Variants in CHAC2 observed in about 807,000 individuals in gnomAD.
The protein encoded by CHAC2 is ChaC glutathione specific gamma-glutamylcyclotransferase 2.
A neutral mutation model predicts 16.9 loss-of-function variants in CHAC2; 20 were observed. The ratio of observed to expected loss-of-function variants is 1.18; its 90% CI spans 0.83 to 1.72. CHAC2 has a LOEUF of 1.72. Among genes scored for constraint, CHAC2 ranks in the 40% most tolerant of loss-of-function variants. The pLI, the probability that CHAC2 is intolerant of heterozygous loss-of-function variation, is 0.00. For missense variants in CHAC2, 269 were observed against 222.2 expected, an observed-to-expected ratio of 1.21 and a Z score of -1.34; for synonymous variants, 91 against 77.3, an observed-to-expected ratio of 1.18 and a Z score of -0.93.
intron 2 of CHAC2, among the ~76,000 whole-genome samples, chr2:53,772,821 A>G (rs1674036702): frequency 6.6e-6 from 1 of 152,168 alleles, no homozygotes; most frequent in Non-Finnish European, 1.5e-5. Flanking sequence ...ATTAACATTA[A>G]GCCTAGTATC....
chr2:53,768,372 C>T (rs1274155707), intron 1 of CHAC2: 1 of 207,596 alleles, frequency 4.8e-6, no homozygotes, highest in Non-Finnish European at 9.6e-6. Context: ...AAGATGAATG[C>T]TCATGTCACC....
In CHAC2 at chr2:53,773,321, C is replaced by CAAGATATTA. The variant is rs201746456; in HGVS notation, c.172-821_172-820insAAGATATTA. Among the ~76,000 whole-genome samples the CAAGATATTA allele has an allele frequency of 6.8e-3, 1,031 of 152,128 alleles. 12 individuals are homozygous for CAAGATATTA. The highest frequency in any genetic ancestry group is 0.023 in the African/African-American group (959 of 41,512). On this transcript the variant is annotated intron_variant, in intron 2 of 2. Coordinates refer to ENST00000295304, the MANE Select transcript of CHAC2 (RefSeq NM_001008708.4). Reference sequence around the variant, plus strand: ...TTTTAAGATAAAATATCTTGCTGTGCCTATGATACAAAGAAATTATTCACA... The same window carrying CAAGATATTA: ...TTTTAAGATAAAATATCTTGCTGTGCAAGATATTACTATGATACAAAGAAATTATTCACA...
intron 2 of CHAC2, 134 bp from the exon 3 acceptor site, chr2:53,774,008 C>A (rs143409423): frequency 1.0e-6 from 1 of 1,001,222 alleles, no homozygotes; most frequent in African/African-American, 1.6e-5. Flanking sequence ...GCACCACAGC[C>A]TGGGCAACAG....
At position 53,767,905 on chromosome 2, in the gene CHAC2, G is replaced by C. The variant is rs373020166; in HGVS notation, c.19G>C (p.Gly7Arg). 5.2e-5 allele frequency: 84 copies of C among 1,612,676 alleles called. 1 individual carries two copies. In the South Asian group the frequency reaches 8.6e-4, roughly 17 times the overall value. Residue 7 changes from glycine to arginine, a missense_variant, in exon 1 of 3, where the codon GGG (glycine) becomes CGG (arginine). Physicochemically the swap from Gly to Arg is moderately radical, Grantham distance 125. Transcript: ENST00000295304. MWVFGY[G>R]SLIWKVDFPY... ...CGAGAAGATGTGGGTTTTTGGTTAC[G>C]GGTCCCTGATCTGGAAGGTGGATTT...
chr2:53,769,958 G>C (rs1325045009), intron 1 of CHAC2, among the ~76,000 whole-genome samples: 5 of 152,160 alleles, frequency 3.3e-5, no homozygotes, highest in African/African-American at 9.7e-5. Context: ...TCACATGTTA[G>C]TTTGCATTCT....
intron 1 of CHAC2, among the ~76,000 whole-genome samples, chr2:53,768,879 T>G (rs1430854630): frequency 1.3e-5 from 2 of 152,224 alleles, no homozygotes; most frequent in African/African-American, 4.8e-5. Context: ...TTGAGGTAAC[T>G]AATAATTTGG....
rs1398267890 is a variant in CHAC2, at chr2:53,768,202, G to A, written c.135+181G>A. On this transcript the variant is annotated intron_variant, in intron 1 of 2. Coordinates refer to ENST00000295304, the MANE Select transcript of CHAC2 (RefSeq NM_001008708.4). ...CTGCCCGCCATCTCTAACCCAGCCCGGGCACTCCTTCCGAAGCTGCTTAAG... is the reference window on the plus strand; with the variant it reads ...CTGCCCGCCATCTCTAACCCAGCCCAGGCACTCCTTCCGAAGCTGCTTAAG... 7.2e-6 allele frequency: 5 copies of A among 689,774 alleles called. No individual in the cohort carries two copies. The East Asian group carries it at 8.6e-5, about 12-fold the overall frequency. 42.7% of individuals were successfully genotyped at this position (689,774 alleles called of 1,614,324 possible).
rs945576624 is a variant in CHAC2, at chr2:53,774,683, T to A, written c.*158T>A. On this transcript the variant is annotated 3_prime_UTR_variant, in exon 3 of 3. Coordinates refer to ENST00000295304, the MANE Select transcript of CHAC2 (RefSeq NM_001008708.4). ...ACATATTTAAAATATTGGGATACAG[T>A]GAAAGAAAAATTCAAATTTTAATAA... is the stretch of plus-strand genomic sequence containing the variant. 5.2e-5 allele frequency: 29 copies of A among 553,724 alleles called. No individual in the cohort carries two copies. Among genetic ancestry groups the A allele is most frequent in the Admixed American group, 7.6e-5 (2 of 26,348 alleles). 34.3% of individuals were successfully genotyped at this position (553,724 alleles called of 1,614,324 possible). A position where few individuals can be genotyped will look rare whatever the true frequency, so the allele number is the denominator to read the frequency against.
At position 53,774,362 on chromosome 2, in the gene CHAC2, T is replaced by A; in HGVS notation, c.392T>A (p.Ile131Asn). 1 of 1,613,462 alleles carries A rather than the reference T, an allele frequency of 6.2e-7. No individual in the cohort carries two copies. The highest frequency in any genetic ancestry group is 8.5e-7 in the Non-Finnish European group (1 of 1,179,890). Residue 131 changes from isoleucine to asparagine, a missense_variant, in exon 3 of 3, where the codon ATT becomes AAT. Coordinates refer to ENST00000295304, the MANE Select transcript of CHAC2 (RefSeq NM_001008708.4). ...PAPLEDIAEQIFNAAGPSGRN... is the reference protein window; with the variant it reads ...PAPLEDIAEQNFNAAGPSGRN... ...CCTCTGGAAGACATTGCTGAACAAA[T>A]TTTTAATGCAGCTGGTCCAAGTGGA...
intron 1 of CHAC2, among the ~76,000 whole-genome samples, chr2:53,768,730 G>C (rs1293456379): frequency 1.3e-5 from 2 of 152,160 alleles, no homozygotes; most frequent in African/African-American, 4.8e-5. Context: ...TGAAATGTAA[G>C]TTCATTGATT....
rs1338193681 is a variant in CHAC2 at position 53,771,928 on chromosome 2, G to A, written c.157G>A (p.Val53Ile). The change falls in exon 2 of 3, where the codon GTT becomes ATT. Residue 53 changes from valine (V) to isoleucine (I), a missense_variant. Transcript: ENST00000295304. The part of the protein sequence containing the change: ...PGKPGRVVTL[V>I]EDPAGCVWGV... Reference sequence around the variant, plus strand: ...ACAGCCTGGAAGAGTTGTGACTCTTGTTGAAGATCCTGCGGTATGGTATAA... The same window carrying A: ...ACAGCCTGGAAGAGTTGTGACTCTTATTGAAGATCCTGCGGTATGGTATAA... 1 of 1,564,728 alleles carries A rather than the reference G, an allele frequency of 6.4e-7. No individual in the cohort carries two copies. The highest frequency in any genetic ancestry group is 8.7e-7 in the Non-Finnish European group (1 of 1,151,198).
At position 53,775,079 on chromosome 2, in the gene CHAC2, G is replaced by A. The variant is rs6736808; in HGVS notation, c.*554G>A. The A allele has an allele frequency of 9.2e-5, 14 of 152,422 alleles. No individual in the cohort carries two copies. Among genetic ancestry groups the A allele is most frequent in the African/African-American group, 1.9e-4 (8 of 41,372 alleles). 9.4% of individuals were successfully genotyped at this position (152,422 alleles called of 1,614,324 possible). A position where few individuals can be genotyped will look rare whatever the true frequency, so the allele number is the denominator to read the frequency against. ...CCAAAAATTGGCATTTTTAAAATAC[G>A]AAAATTTCCTTGGAATTATAATGTA... On this transcript the variant is annotated 3_prime_UTR_variant, in exon 3 of 3. Transcript: ENST00000295304.
intron 1 of CHAC2, among the ~76,000 whole-genome samples, chr2:53,770,909 T>C (rs1673857265): frequency 6.6e-6 from 1 of 152,158 alleles, no homozygotes; most frequent in Non-Finnish European, 1.5e-5. Context: ...ACCATTACCA[T>C]ATACAGAAAG....
intron 1 of CHAC2, among the ~76,000 whole-genome samples, chr2:53,768,416 C>A (rs1341206888): frequency 6.6e-6 from 1 of 152,252 alleles, no homozygotes; most frequent in African/African-American, 2.4e-5. Flanking sequence ...GTTGCAAATT[C>A]AGCTTTTTAG....
chr2:53,771,473 A>C (rs1673905519), intron 1 of CHAC2, among the ~76,000 whole-genome samples: 1 of 152,196 alleles, frequency 6.6e-6, no homozygotes, highest in African/African-American at 2.4e-5. Flanking sequence ...AGATCGCACC[A>C]CTGCACTCCA....
chr2:53,771,885 T>A (rs1673938993), intron 1 of CHAC2, 22 bp from the exon 2 acceptor site: 1 of 1,509,024 alleles, frequency 6.6e-7, no homozygotes, highest in African/African-American at 1.4e-5. Context: ...CAGAAAAATT[T>A]TTTTTTACCT....
intron 1 of CHAC2, among the ~76,000 whole-genome samples, chr2:53,768,942 T>C (rs968557637): frequency 1.3e-5 from 2 of 152,216 alleles, no homozygotes; most frequent in African/African-American, 4.8e-5. Flanking sequence ...AGTTTGCACC[T>C]GCTCATAAGA....
intron 1 of CHAC2, among the ~76,000 whole-genome samples, chr2:53,771,109 G>A (rs935226695): frequency 1.3e-5 from 2 of 152,334 alleles, no homozygotes; most frequent in Middle Eastern, 3.4e-3. Flanking sequence ...CTCTGGAGGT[G>A]TGGCCTAACA....
At chr2:53,771,818 A>C (rs1033757828) in intron 1 of CHAC2, 89 bp from the exon 2 acceptor site, 8 of 767,504 alleles carry the variant, frequency 1.0e-5, no homozygotes, top group Middle Eastern at 2.6e-4. Flanking sequence ...ATATAATTCA[A>C]ATATTCCATG....
Sources: gnomAD v4.1 joint callset for allele counts (sites outside exome capture counted in the v4.1 genomes callset) on GRCh38, gnomAD v4.1.1 for gene constraint, MANE v1.5 for transcripts, NCBI Gene and HGNC (gene_info 2026-07-23, HGNC 2026-07-21) for gene names.